Variants in MGRN1 observed in about 807,000 individuals in gnomAD.
The protein encoded by MGRN1 is E3 ubiquitin-protein ligase MGRN1.
MGRN1 carries 29 observed loss-of-function variants against 69.2 expected under a neutral mutation model. The observed-to-expected ratio is 0.42, with a 90% CI of 0.31 to 0.57. The LOEUF is 0.57. Ranked by LOEUF, MGRN1 falls within the 20% of genes least tolerant of loss-of-function variation. The pLI, the probability that MGRN1 is intolerant of heterozygous loss-of-function variation, is 0.15. For synonymous variants in MGRN1, 470 were observed against 344.2 expected, an observed-to-expected ratio of 1.37 and a Z score of -4.04; for missense variants, 998 against 796.2, an observed-to-expected ratio of 1.25 and a Z score of -3.05.
At chr16:4,634,897 G>T (rs1353910831) in intron 1 of MGRN1, 1 of 152,188 alleles carries the variant, frequency 6.6e-6, no homozygotes, top group African/African-American at 2.4e-5. Flanking sequence ...TGGGCAGAAG[G>T]TTGCATTGGC....
At chr16:4,677,079 T>C (rs2079068813) in intron 10 of MGRN1, 2 of 168,758 alleles carry the variant, frequency 1.2e-5, no homozygotes, top group Middle Eastern at 2.5e-3. Flanking sequence ...GGTGTGACGC[T>C]TTGGGGGTCA....
At position 4,688,831 on chromosome 16, in the gene MGRN1, G is replaced by A. The variant is rs533486524; in HGVS notation, c.1654G>A (p.Ala552Thr). Residue 552 changes from alanine to threonine, a missense_variant, in exon 17 of 17, where the codon GCC becomes ACC. Coordinates refer to ENST00000262370, the MANE Select transcript of MGRN1 (RefSeq NM_015246.4). The part of the protein sequence containing the change: ...PTSMETAHGL[A>T]TTSPTWPPLG... ...CTCCATGGAGACGGCCCACGGCCTC[G>A]CCACCACCAGCCCCACCTGGCCTCC... is the stretch of plus-strand genomic sequence containing the variant. 2.4e-5 allele frequency: 38 copies of A among 1,553,228 alleles called. No homozygotes were observed. Among genetic ancestry groups the A allele is most frequent in the Admixed American group, 7.7e-5 (4 of 51,978 alleles).
chr16:4,639,341 G>A (rs2078106590), intron 1 of MGRN1, among the ~76,000 whole-genome samples: 2 of 152,144 alleles, frequency 1.3e-5, no homozygotes, highest in African/African-American at 4.8e-5. Flanking sequence ...TGGCCTCACC[G>A]CGGCATCCCA....
chr16:4,679,279 G>C (rs2079123177), intron 11 of MGRN1, among the ~76,000 whole-genome samples: 1 of 152,162 alleles, frequency 6.6e-6, no homozygotes, highest in Non-Finnish European at 1.5e-5. Context: ...TTTGTGTTCT[G>C]GTGGCTGAGG....
intron 9 of MGRN1, among the ~76,000 whole-genome samples, chr16:4,671,803 G>T (rs1314756683): frequency 6.6e-6 from 1 of 152,188 alleles, no homozygotes; most frequent in Non-Finnish European, 1.5e-5. Context: ...CAGCTCCTGG[G>T]GGAGGGATGC....
intron 7 of MGRN1, among the ~76,000 whole-genome samples, chr16:4,667,477 C>T (rs1298790418): frequency 2.0e-5 from 3 of 152,232 alleles, no homozygotes; most frequent in African/African-American, 7.2e-5. Context: ...TGACTATTGA[C>T]ACATCTGCAT....
chr16:4,639,544 GA>G (rs2078111842), intron 1 of MGRN1, among the ~76,000 whole-genome samples: 1 of 152,196 alleles, frequency 6.6e-6, no homozygotes. Context: ...GAACAGGCAG[GA>G]CAGTTGTCTC....
Position 4,645,685 on chromosome 16 carries a change from C to G in MGRN1, c.89-4680C>G, listed in dbSNP as rs1251682755. On this transcript the variant is annotated intron_variant, in intron 1 of 16. Transcript: ENST00000262370. ...AGCAGCCTGAGGTAGAGCTGGAGCTCCAGGGAAGAGCTGGATGAGCTGAGG... is the reference window on the plus strand; with the variant it reads ...AGCAGCCTGAGGTAGAGCTGGAGCTGCAGGGAAGAGCTGGATGAGCTGAGG... Among the ~76,000 whole-genome samples the G allele has an allele frequency of 4.6e-5, 7 of 152,216 alleles. No homozygotes were observed. In the East Asian group the frequency reaches 1.3e-3, roughly 29 times the overall value.
chr16:4,668,659 C>G (rs2078864608), intron 8 of MGRN1, among the ~76,000 whole-genome samples: 1 of 151,490 alleles, frequency 6.6e-6, no homozygotes, highest in Admixed American at 6.6e-5. Flanking sequence ...CTCATATACT[C>G]AGTCACACAC....
rs1205352581 is a variant in MGRN1 at position 4,672,495 on chromosome 16, G to GGCCTC, written c.796-997_796-993dup. The GGCCTC allele has an allele frequency of 2.8e-5, 13 of 456,464 alleles. No individual in the cohort carries two copies. In the Admixed American group the frequency reaches 3.1e-4, roughly 11 times the overall value. 28.3% of individuals were successfully genotyped at this position (456,464 alleles called of 1,614,324 possible). ...GTGGCGGGAGCGGAGCACCTGGCCGGGCCTCGCCTCAACCCAGGGAAGTCA... is the reference window on the plus strand; with the variant it reads ...GTGGCGGGAGCGGAGCACCTGGCCGGGCCTCGCCTCGCCTCAACCCAGGGAAGTCA... On this transcript the variant is annotated intron_variant, in intron 9 of 16. Coordinates refer to ENST00000262370, the MANE Select transcript of MGRN1 (RefSeq NM_015246.4).
At position 4,688,972 on chromosome 16, in the gene MGRN1, G is replaced by T; in HGVS notation, c.*64G>T. Reference sequence around the variant, plus strand: ...CCAGACTTTGCCGAGGGGCTGCTCCGGACCCCGTTGTGAGCCGGCCTCCTG... The same window carrying T: ...CCAGACTTTGCCGAGGGGCTGCTCCTGACCCCGTTGTGAGCCGGCCTCCTG... On this transcript the variant is annotated 3_prime_UTR_variant, in exon 17 of 17. Coordinates refer to ENST00000262370, the MANE Select transcript of MGRN1 (RefSeq NM_015246.4). 6.8e-7 allele frequency: 1 copy of T among 1,475,432 alleles called. No individual in the cohort carries two copies. Among genetic ancestry groups the T allele is most frequent in the Non-Finnish European group, 9.0e-7 (1 of 1,106,936 alleles). 91.4% of individuals were successfully genotyped at this position (1,475,432 alleles called of 1,614,324 possible).
chr16:4,670,093 C>G (rs375689397), intron 8 of MGRN1, among the ~76,000 whole-genome samples: 1 of 152,110 alleles, frequency 6.6e-6, no homozygotes, highest in Admixed American at 6.5e-5. Flanking sequence ...AAGACAGAGT[C>G]TCGCTCTGTT....
chr16:4,684,180 C>G (rs1452010878), intron 16 of MGRN1, among the ~76,000 whole-genome samples: 1 of 152,262 alleles, frequency 6.6e-6, no homozygotes, highest in African/African-American at 2.4e-5. Flanking sequence ...CCCCTTCCCT[C>G]CCTGGGGCCA....
In MGRN1 at chr16:4,680,201, A is replaced by C. The variant is rs116775738; in HGVS notation, c.1131+104A>C. 3.6e-3 allele frequency: 4,078 copies of C among 1,147,488 alleles called. 64 individuals are homozygous for C. The highest frequency in any genetic ancestry group is 0.033 in the African/African-American group (2,115 of 64,476). The allele number at this position is 1,147,488 out of a possible 1,614,324, so 71.1% of individuals were successfully genotyped here. On this transcript the variant is annotated intron_variant, in intron 12 of 16. Transcript: ENST00000262370. ...TCCGCCCCAGGCTAGTGTCTGATTC[A>C]TATAACCCGTCAGCTCCACTTGCCC...
chr16:4,687,056 G>C (rs2079339277), intron 16 of MGRN1: 3 of 985,720 alleles, frequency 3.0e-6, no homozygotes, highest in South Asian at 9.4e-5. Flanking sequence ...CCGTGGGCCT[G>C]GCATCACCAT....
chr16:4,647,446 C>G (rs1046702317), intron 1 of MGRN1, among the ~76,000 whole-genome samples: 2 of 152,364 alleles, frequency 1.3e-5, no homozygotes, highest in African/African-American at 2.4e-5. Flanking sequence ...CCTGGGCTCA[C>G]TGTACTGCAG....
chr16:4,675,701 C>T (rs1047973186), intron 10 of MGRN1, among the ~76,000 whole-genome samples: 22 of 151,248 alleles, frequency 1.5e-4, no homozygotes, highest in Admixed American at 3.9e-4. Context: ...ACCACTGCAC[C>T]CCCGCCTGAG....
intron 5 of MGRN1, among the ~76,000 whole-genome samples, chr16:4,663,913 C>T (rs1413120129): frequency 6.6e-6 from 1 of 152,218 alleles, no homozygotes; most frequent in Non-Finnish European, 1.5e-5. Flanking sequence ...TCTCTTTGGA[C>T]TCAAGCCAGC....
chr16:4,628,125 G>T (rs11640383), intron 1 of MGRN1, among the ~76,000 whole-genome samples: 1 of 147,296 alleles, frequency 6.8e-6, no homozygotes, highest in Non-Finnish European at 1.5e-5. Context: ...GGTGGCTCAC[G>T]CCTGTAATCC....
Sources: gnomAD v4.1 joint callset for allele counts (sites outside exome capture counted in the v4.1 genomes callset) on GRCh38, gnomAD v4.1.1 for gene constraint, MANE v1.5 for transcripts, NCBI Gene and HGNC (gene_info 2026-07-23, HGNC 2026-07-21) for gene names.